LRRC7: variants seen among roughly 807,000 people sequenced by gnomAD.
LRRC7 encodes leucine-rich repeat-containing protein 7.
LRRC7 carries 23 observed loss-of-function variants against 175.7 expected under a neutral mutation model. That is an observed-to-expected ratio of 0.13 (90% CI 0.09 to 0.19). The LOEUF (loss-of-function observed/expected upper bound fraction) is 0.19, where lower values mean the gene tolerates loss of function less well. Among genes scored for constraint, LRRC7 ranks in the 10% least tolerant of loss-of-function variants. The probability of loss-of-function intolerance (pLI) is 1.00; values close to 1 mark genes in which losing one functional copy is unlikely to be tolerated. For missense variants in LRRC7, 1,354 were observed against 1,904.7 expected (o/e 0.71, Z 5.38); for synonymous variants, 685 against 680.9 (o/e 1.01, Z -0.09).
rs1676142128 is a variant in LRRC7, at chr1:69,799,055, C to G, written c.421+6895C>G. Among the ~76,000 whole-genome samples the G allele has an allele frequency of 2.1e-5, 3 of 141,860 alleles. 1 individual carries two copies. Among genetic ancestry groups the G allele is most frequent in the Admixed American group, 2.1e-4 (3 of 14,330 alleles). The allele number at this position is 141,860 out of a possible 152,430, so 93.1% of individuals were successfully genotyped here. A position where few individuals can be genotyped will look rare whatever the true frequency, so the allele number is the denominator to read the frequency against. ...GTTCATTTTAATTTTGAATGCTTGTCTTTTAGGTTTTTGGTGACTTGAAAG... is the reference window on the plus strand; with the variant it reads ...GTTCATTTTAATTTTGAATGCTTGTGTTTTAGGTTTTTGGTGACTTGAAAG... On this transcript the variant is annotated intron_variant, in intron 4 of 26. Transcript: ENST00000651989.
intron 2 of LRRC7, among the ~76,000 whole-genome samples, chr1:69,735,869 C>T (rs1668057059): frequency 6.6e-6 from 1 of 151,912 alleles, no homozygotes; most frequent in Admixed American, 6.6e-5. Flanking sequence ...ATCTCTCTCT[C>T]TACCTCTCTC....
At chr1:69,596,184 TAAG>T (rs945060629) in intron 1 of LRRC7, among the ~76,000 whole-genome samples, 4 of 152,234 alleles carry the variant, frequency 2.6e-5, no homozygotes, top group South Asian at 2.1e-4. Flanking sequence ...CTAACCAGTT[TAAG>T]AAGATTATCT....
At chr1:69,886,355 C>T (rs532685488) in intron 7 of LRRC7, among the ~76,000 whole-genome samples, 1 of 149,988 alleles carries the variant, frequency 6.7e-6, no homozygotes, top group East Asian at 2.0e-4. Context: ...TGAATTGATC[C>T]CTTTACCATT....
At chr1:70,041,666 G>A (rs1178377129) in intron 21 of LRRC7, among the ~76,000 whole-genome samples, 1 of 152,192 alleles carries the variant, frequency 6.6e-6, no homozygotes, top group African/African-American at 2.4e-5. Context: ...GAAGCTTTTT[G>A]GAGCATATGT....
intron 3 of LRRC7, among the ~76,000 whole-genome samples, chr1:69,781,839 A>AAGGAAGGAAGGAAGGG (rs1673721930): frequency 1.2e-5 from 1 of 85,064 alleles, no homozygotes. Context: ...GGAAGGAAGG[A>AAGGAAGGAAGGAAGGG]AGGAAGGGAG....
chr1:69,840,705 T>C (rs952795289), intron 7 of LRRC7, among the ~76,000 whole-genome samples: 2 of 152,082 alleles, frequency 1.3e-5, no homozygotes, highest in African/African-American at 2.4e-5. Context: ...TGATCATTCC[T>C]CTACATACAT....
chr1:69,579,610 G>T lies in LRRC7; in HGVS notation c.2+10969G>T, dbSNP rs144340061. ...AGAAAAAGATGCATGTTGTGTGAAT[G>T]ACTGTTTCAATGAATGAATCGTTCC... On this transcript the variant is annotated intron_variant, in intron 1 of 26. Transcript: ENST00000651989. 4.3e-4 allele frequency among the ~76,000 whole-genome samples: 66 copies of T among 152,176 alleles called. 1 individual carries two copies. In the East Asian group the frequency reaches 0.011, roughly 26 times the overall value.
rs1415114639 is a variant in LRRC7 at position 70,036,301 on chromosome 1, AT to A, written c.2107+71del. On this transcript the variant is annotated intron_variant, in intron 19 of 26. Coordinates refer to ENST00000651989, the MANE Select transcript of LRRC7 (RefSeq NM_001370785.2). ...GTGCATGATGAATCGCCAGTTGTAA[AT>A]TATGATACACCATATTCTATACAAA... The A allele has an allele frequency of 3.5e-6, 5 of 1,423,368 alleles. No homozygotes were observed. The East Asian group carries it at 1.1e-4, about 33-fold the overall frequency. The allele number at this position is 1,423,368 out of a possible 1,614,324, so 88.2% of individuals were successfully genotyped here. A position where few individuals can be genotyped will look rare whatever the true frequency, so the allele number is the denominator to read the frequency against.
chr1:70,070,421 CT>C (rs539267189), intron 23 of LRRC7, among the ~76,000 whole-genome samples: 204 of 152,276 alleles, frequency 1.3e-3, no homozygotes, highest in Non-Finnish European at 2.1e-3. Flanking sequence ...ATTCTAACAT[CT>C]TTGTCCTCTC....
chr1:70,094,380 AC>A (rs1161613132), intron 25 of LRRC7, among the ~76,000 whole-genome samples: 2 of 152,174 alleles, frequency 1.3e-5, no homozygotes, highest in Non-Finnish European at 1.5e-5. Flanking sequence ...ATAGAAAAAA[AC>A]AAATTCATGG....
At position 69,811,261 on chromosome 1, in the gene LRRC7, C is replaced by G. The variant is rs569967593; in HGVS notation, c.422-14487C>G. Among the ~76,000 whole-genome samples the G allele has an allele frequency of 6.7e-4, 102 of 152,220 alleles. 1 individual carries two copies. Among genetic ancestry groups the G allele is most frequent in the Non-Finnish European group, 1.4e-3 (93 of 68,014 alleles). ...GTTAGAATGGCAATCATTAAAAAGT[C>G]AGGAAGCAACAGATGCTGGAAAAGA... On this transcript the variant is annotated intron_variant, in intron 4 of 26. Transcript: ENST00000651989.
chr1:69,644,259 T>A (rs1363965925), intron 1 of LRRC7, among the ~76,000 whole-genome samples: 1 of 152,054 alleles, frequency 6.6e-6, no homozygotes, highest in Non-Finnish European at 1.5e-5. Flanking sequence ...GATATTGTGT[T>A]TTTTAAGTAT....
At chr1:69,717,656 A>C (rs970753555) in intron 2 of LRRC7, among the ~76,000 whole-genome samples, 3 of 151,302 alleles carry the variant, frequency 2.0e-5, no homozygotes, top group Non-Finnish European at 4.4e-5. Flanking sequence ...TGAGGGAGGG[A>C]AAATTGTAAA....
At chr1:69,979,304 G>A (rs890884192) in intron 8 of LRRC7, among the ~76,000 whole-genome samples, 5 of 152,200 alleles carry the variant, frequency 3.3e-5, no homozygotes, top group Non-Finnish European at 5.9e-5. Flanking sequence ...GAATAGGGAA[G>A]GGGATAATTT....
At chr1:69,929,794 C>A (rs1188490794) in intron 7 of LRRC7, among the ~76,000 whole-genome samples, 2 of 152,114 alleles carry the variant, frequency 1.3e-5, no homozygotes, top group African/African-American at 4.8e-5. Context: ...TCAGTGGCCC[C>A]CTATCCTACT....
At chr1:69,631,580 G>A (rs185658480) in intron 1 of LRRC7, among the ~76,000 whole-genome samples, 4 of 152,084 alleles carry the variant, frequency 2.6e-5, no homozygotes, top group South Asian at 2.1e-4. Context: ...CCCGACAGTC[G>A]CTTCTTTCCC....
chr1:69,573,344 C>A (rs1645815226), intron 1 of LRRC7, among the ~76,000 whole-genome samples: 1 of 152,024 alleles, frequency 6.6e-6, no homozygotes, highest in Admixed American at 6.6e-5. Context: ...GAAGTTTTTC[C>A]TGGTGTACAA....
chr1:70,087,931 G>A (rs1269089434), intron 24 of LRRC7, among the ~76,000 whole-genome samples: 1 of 152,128 alleles, frequency 6.6e-6, no homozygotes, highest in Non-Finnish European at 1.5e-5. Context: ...GACAATATGT[G>A]CTAATTAAGT....
At chr1:69,843,743 A>G (rs550400294) in intron 7 of LRRC7, among the ~76,000 whole-genome samples, 56 of 152,284 alleles carry the variant, frequency 3.7e-4, no homozygotes, top group African/African-American at 1.1e-3. Context: ...ACTTTAAATT[A>G]TATATGTAAA....
Sources: allele counts gnomAD v4.1 joint callset (sites outside exome capture counted in the v4.1 genomes callset), GRCh38; gene constraint gnomAD v4.1.1; transcripts MANE v1.5; gene names NCBI Gene and HGNC (gene_info 2026-07-23, HGNC 2026-07-21).